CAGE1: variants seen among roughly 807,000 people sequenced by gnomAD.
CAGE1 encodes the protein cancer-associated gene 1 protein.
A neutral mutation model predicts 94.9 loss-of-function variants in CAGE1; 66 were observed. That is an observed-to-expected ratio of 0.70 (90% confidence interval 0.57 to 0.85). The LOEUF (loss-of-function observed/expected upper bound fraction) is 0.85. Ranked by LOEUF, CAGE1 falls within the 40% of genes least tolerant of loss-of-function variation. The pLI, the probability that CAGE1 is intolerant of heterozygous loss-of-function variation, is 0.00. For synonymous variants in CAGE1, 319 were observed against 321.0 expected (o/e 0.99, Z 0.07); for missense variants, 865 against 950.4 (o/e 0.91, Z 1.18).
intron 11 of CAGE1, among the ~76,000 whole-genome samples, chr6:7,348,860 CAAAG>C (rs1453965991): frequency 6.6e-6 from 1 of 151,714 alleles, no homozygotes; most frequent in Non-Finnish European, 1.5e-5. Context: ...CCAACAAAGA[CAAAG>C]AAAAAAGAAA....
intron 10 of CAGE1, among the ~76,000 whole-genome samples, chr6:7,355,790 C>T (rs1020230772): frequency 6.6e-6 from 1 of 152,136 alleles, no homozygotes; most frequent in African/African-American, 2.4e-5. Flanking sequence ...TTGCTTGAGA[C>T]CAGGAGGTTG....
At chr6:7,387,960 G>A (rs1252496242) in intron 1 of CAGE1, among the ~76,000 whole-genome samples, 2 of 148,358 alleles carry the variant, frequency 1.3e-5, no homozygotes, top group African/African-American at 2.5e-5. Context: ...CGTGAACCCC[G>A]GAGGCAGAGC....
intron 11 of CAGE1, among the ~76,000 whole-genome samples, chr6:7,351,704 C>A (rs1387571000): frequency 6.6e-6 from 1 of 151,902 alleles, no homozygotes; most frequent in Non-Finnish European, 1.5e-5. Flanking sequence ...GGTTTCACAC[C>A]AGGGATTCAG....
At chr6:7,344,433 C>T (rs1303147564) in intron 11 of CAGE1, among the ~76,000 whole-genome samples, 1 of 152,244 alleles carries the variant, frequency 6.6e-6, no homozygotes, top group African/African-American at 2.4e-5. Flanking sequence ...GATTTCTCAC[C>T]GTGCCTTAGC....
chr6:7,354,065 C>G (rs1209894726), intron 11 of CAGE1, among the ~76,000 whole-genome samples: 1 of 151,626 alleles, frequency 6.6e-6, no homozygotes, highest in Non-Finnish European at 1.5e-5. Flanking sequence ...CCAAATATCA[C>G]CTGTACCCCA....
intron 11 of CAGE1, among the ~76,000 whole-genome samples, chr6:7,346,964 C>G (rs2113387564): frequency 6.6e-6 from 1 of 152,242 alleles, no homozygotes; most frequent in African/African-American, 2.4e-5. Context: ...TCTTCTTCAA[C>G]ACAAATTGGA....
intron 7 of CAGE1, among the ~76,000 whole-genome samples, chr6:7,368,026 G>A (rs1220992294): frequency 2.0e-5 from 3 of 152,146 alleles, no homozygotes; most frequent in Non-Finnish European, 4.4e-5. Context: ...CCTGAGGTCA[G>A]GAGTTCAATG....
intron 11 of CAGE1, among the ~76,000 whole-genome samples, chr6:7,352,290 C>CAAAAAAAAAAAACAAAAAAAAAAAAAAA (rs1759798360): frequency 2.3e-5 from 1 of 43,624 alleles, no homozygotes; most frequent in Non-Finnish European, 5.8e-5. Flanking sequence ...ACAATAGCTG[C>CAAAAAAAAAAAACAAAAAAAAAAAAAAA]AAAAAAAAAA....
intron 11 of CAGE1, among the ~76,000 whole-genome samples, chr6:7,354,411 A>G (rs1389455993): frequency 6.6e-6 from 1 of 152,190 alleles, no homozygotes; most frequent in African/African-American, 2.4e-5. Context: ...CTAAGATACA[A>G]ATGCATGCAC....
chr6:7,359,299 G>A (rs535539792), intron 9 of CAGE1, among the ~76,000 whole-genome samples: 14 of 152,228 alleles, frequency 9.2e-5, no homozygotes, highest in Non-Finnish European at 1.8e-4. Context: ...CACCCACCTC[G>A]GCCTCCCAAA....
rs1760849116 is a variant in CAGE1, at chr6:7,379,000, A to C, written c.304T>G (p.Ser102Ala). ...ACTGGCTGAATTAGTGCATTCGTTGAGTAATTTTCAATGTTGTTATCTCAT... is the reference window on the plus strand; with the variant it reads ...ACTGGCTGAATTAGTGCATTCGTTGCGTAATTTTCAATGTTGTTATCTCAT... ...LLNDNNIENY[S>A]TNALIQPVDT... The change falls in exon 4 of 14, where the codon TCA (serine) becomes GCA (alanine). Residue 102 changes from serine (S) to alanine (A), a missense_variant. Coordinates refer to ENST00000502583, the MANE Select transcript of CAGE1 (RefSeq NM_001170692.2). The C allele has an allele frequency of 1.3e-6, 2 of 1,528,674 alleles. No individual in the cohort carries two copies. Among genetic ancestry groups the C allele is most frequent in the African/African-American group, 2.8e-5 (2 of 71,988 alleles). 94.7% of individuals were successfully genotyped at this position (1,528,674 alleles called of 1,614,324 possible).
intron 11 of CAGE1, among the ~76,000 whole-genome samples, chr6:7,352,290 C>CAAAAA (rs77426667): frequency 4.6e-5 from 2 of 43,644 alleles, no homozygotes; most frequent in Middle Eastern, 0.024. Flanking sequence ...ACAATAGCTG[C>CAAAAA]AAAAAAAAAA....
intron 11 of CAGE1, among the ~76,000 whole-genome samples, chr6:7,350,114 A>G (rs986210068): frequency 7.9e-5 from 12 of 152,202 alleles, no homozygotes; most frequent in Non-Finnish European, 1.5e-4. Context: ...AGCTATTCTT[A>G]TATCAGACAA....
intron 11 of CAGE1, chr6:7,341,772 G>A (rs1759187102): frequency 8.7e-6 from 6 of 687,044 alleles, no homozygotes; most frequent in Non-Finnish European, 1.7e-5. Flanking sequence ...CCAGTGCAGA[G>A]AAGACAGAGC....
Position 7,355,111 on chromosome 6 carries a change from C to A in CAGE1, c.2299G>T (p.Val767Phe). Reference sequence around the variant, plus strand: ...TCAATGATTTCTTCATATGATGTAACCTTGAAAAAAATAAGCTAAACCAAT... The same window carrying A: ...TCAATGATTTCTTCATATGATGTAAACTTGAAAAAAATAAGCTAAACCAAT... The part of the protein sequence containing the change: ...QRHLGNLIKK[V>F]TSYEEIIECA... Residue 767 changes from valine to phenylalanine, a missense_variant and splice_region_variant, in exon 11 of 14, where the codon GTT (valine) becomes TTT (phenylalanine). By Grantham distance (50) the Val-to-Phe change is conservative. Coordinates refer to ENST00000502583, the MANE Select transcript of CAGE1 (RefSeq NM_001170692.2). 1 of 1,592,170 alleles carries A rather than the reference C, an allele frequency of 6.3e-7. No homozygotes were observed. Among genetic ancestry groups the A allele is most frequent in the Non-Finnish European group, 8.6e-7 (1 of 1,167,912 alleles).
intron 2 of CAGE1, among the ~76,000 whole-genome samples, chr6:7,386,400 T>C (rs540008636): frequency 6.6e-6 from 1 of 152,346 alleles, no homozygotes; most frequent in African/African-American, 2.4e-5. Flanking sequence ...GGCATTTTCA[T>C]GAAGACAGGA....
At chr6:7,334,718 T>A (rs1758889409) in intron 11 of CAGE1, among the ~76,000 whole-genome samples, 1 of 48,158 alleles carries the variant, frequency 2.1e-5, no homozygotes, top group Non-Finnish European at 3.4e-5. Flanking sequence ...AGAGCTAGAC[T>A]CTCTCTCAAA....
intron 11 of CAGE1, chr6:7,341,386 C>A: frequency 1.2e-6 from 1 of 805,606 alleles, no homozygotes; most frequent in Non-Finnish European, 2.1e-6. Flanking sequence ...ATGCTTAGGA[C>A]ACTGTGGAAT....
At chr6:7,389,161 GTTTT>G (rs1006181925) in intron 1 of CAGE1, 37 bp downstream of exon 1, 6 of 428,408 alleles carry the variant, frequency 1.4e-5, no homozygotes, top group African/African-American at 6.1e-5. Context: ...AAAAACTATA[GTTTT>G]GTTTAAAAGC....
Sources: gnomAD v4.1 joint callset for allele counts (sites outside exome capture counted in the v4.1 genomes callset) on GRCh38, gnomAD v4.1.1 for gene constraint, MANE v1.5 for transcripts, NCBI Gene and HGNC (gene_info 2026-07-23, HGNC 2026-07-21) for gene names.